The following ANO10 variants were observed in gnomAD, a reference collection of about 807,000 sequenced individuals.
ANO10 encodes the protein anoctamin-10.
Under a neutral mutation model 74.7 loss-of-function variants are expected in ANO10, and 77 were observed. The ratio of observed to expected loss-of-function variants is 1.03; its 90% confidence interval spans 0.86 to 1.25. ANO10 has a LOEUF of 1.25. Ranked by LOEUF, ANO10 falls within the 50% of genes most tolerant of loss-of-function variation. The pLI is 0.00. For synonymous variants in ANO10, 279 were observed against 284.9 expected (o/e 0.98, Z 0.21); for missense variants, 721 against 778.1 (o/e 0.93, Z 0.87).
chr3:43,600,304 T>G lies in ANO10; in HGVS notation c.337+80A>C, dbSNP rs372441339. 73 of 1,533,658 alleles carry G rather than the reference T, an allele frequency of 4.8e-5. No individual in the cohort carries two copies. The African/African-American group carries it at 7.8e-4, about 16-fold the overall frequency. ...CTATTTGACCCTTTACTGAAAAAAGTTTGCTGATCCCTGATCTATTCATCA... is the reference window on the plus strand; with the variant it reads ...CTATTTGACCCTTTACTGAAAAAAGGTTGCTGATCCCTGATCTATTCATCA... On this transcript the variant is annotated intron_variant, in intron 3 of 12. Coordinates refer to ENST00000292246, the MANE Select transcript of ANO10 (RefSeq NM_018075.5).
intron 4 of ANO10, among the ~76,000 whole-genome samples, chr3:43,592,494 A>G (rs1490442199): frequency 6.6e-6 from 1 of 152,228 alleles, no homozygotes; most frequent in Non-Finnish European, 1.5e-5. Context: ...CAGGGTCTGG[A>G]GTGGACCTCC....
intron 12 of ANO10, among the ~76,000 whole-genome samples, chr3:43,415,545 C>CTTTTTTTTT (rs538224235): frequency 5.4e-5 from 8 of 147,342 alleles, no homozygotes; most frequent in African/African-American, 1.8e-4. Context: ...TTCTTTCTTT[C>CTTTTTTTTT]TTTTTTTTTT....
At chr3:43,547,647 G>C (rs577368598) in intron 11 of ANO10, among the ~76,000 whole-genome samples, 10 of 152,196 alleles carry the variant, frequency 6.6e-5, no homozygotes, top group Non-Finnish European at 1.2e-4. Flanking sequence ...AGTATCCCTA[G>C]AATGTGCAGA....
At chr3:43,593,446 G>A (rs1202735457) in intron 4 of ANO10, among the ~76,000 whole-genome samples, 3 of 152,176 alleles carry the variant, frequency 2.0e-5, no homozygotes, top group East Asian at 1.9e-4. Flanking sequence ...GAGAGTGGGG[G>A]CCAATATTCA....
chr3:43,372,655 G>T, intron 12 of ANO10: 1 of 542,080 alleles, frequency 1.8e-6, no homozygotes, highest in Non-Finnish European at 3.4e-6. Context: ...TTCAATTGCT[G>T]CACTCCTCGC....
intron 11 of ANO10, among the ~76,000 whole-genome samples, chr3:43,525,350 T>C (rs560402643): frequency 6.6e-6 from 1 of 152,286 alleles, no homozygotes; most frequent in South Asian, 2.1e-4. Context: ...TACTTCTCCT[T>C]AAAAACACCT....
In ANO10 at chr3:43,636,904, C is replaced by T. The variant is rs375836110; in HGVS notation, c.-11-31041G>A. On this transcript the variant is annotated intron_variant, in intron 1 of 3. Coordinates refer to the ANO10 transcript ENST00000413397. The stretch of plus-strand genomic sequence containing the variant: ...TTTAGCCTGGTGCAGTGGCTCAGGC[C>T]TATAATCCCAGCACTTTGGGAGGCC... Among the ~76,000 whole-genome samples the T allele has an allele frequency of 5.4e-4, 82 of 152,352 alleles. 1 individual carries two copies. The highest frequency in any genetic ancestry group is 1.9e-3 in the African/African-American group (79 of 41,578).
intron 11 of ANO10, among the ~76,000 whole-genome samples, chr3:43,459,723 T>G (rs1383250738): frequency 1.3e-5 from 2 of 152,184 alleles, no homozygotes; most frequent in African/African-American, 4.8e-5. Flanking sequence ...AAGTGCTTTT[T>G]GGGCCTCAGA....
chr3:43,545,146 T>C (rs984613054), intron 11 of ANO10, among the ~76,000 whole-genome samples: 10 of 152,294 alleles, frequency 6.6e-5, no homozygotes, highest in African/African-American at 1.7e-4. Flanking sequence ...TCTGCTCTTA[T>C]AGGGGCCATG....
intron 1 of ANO10, among the ~76,000 whole-genome samples, chr3:43,640,082 T>C (rs2083656484): frequency 6.6e-6 from 1 of 152,158 alleles, no homozygotes; most frequent in African/African-American, 2.4e-5. Flanking sequence ...GGACAATCAT[T>C]CCAAAATGAA....
rs148873732 is a variant in ANO10, at chr3:43,580,379, C to T, written c.566G>A (p.Arg189Gln). The T allele has an allele frequency of 1.0e-4, 168 of 1,613,960 alleles. No homozygotes were observed. In the African/African-American group the frequency reaches 1.7e-3, roughly 16 times the overall value. The change falls in exon 5 of 13, where the codon CGG (arginine) becomes CAG (glutamine). Residue 189 changes from arginine to glutamine, a missense_variant. Transcript: ENST00000292246. ...TATGGGCTGATACTTCAAAGCAAAC[C>T]GAGTGTACCAGGTGTCCTCAAGCTT... ...LKKLEDTWYT[R>Q]FALKYQPIDS... is the part of the protein sequence containing the mutation.
intron 8 of ANO10, 103 bp downstream of exon 8, chr3:43,565,549 AG>A: frequency 1.0e-6 from 1 of 961,934 alleles, no homozygotes. Flanking sequence ...AAAATTTAAA[AG>A]ATTTTATTTG....
At chr3:43,448,934 C>T (rs369769679) in intron 11 of ANO10, among the ~76,000 whole-genome samples, 1 of 146,830 alleles carries the variant, frequency 6.8e-6, no homozygotes, top group African/African-American at 2.5e-5. Context: ...CGCAGTGGTG[C>T]GATCTCGGCT....
At chr3:43,688,603 G>A (rs919029082) in intron 1 of ANO10, among the ~76,000 whole-genome samples, 6 of 152,172 alleles carry the variant, frequency 3.9e-5, no homozygotes, top group African/African-American at 9.7e-5. Flanking sequence ...AGCACTTTGG[G>A]AGGCAGTGGA....
intron 4 of ANO10, among the ~76,000 whole-genome samples, chr3:43,591,509 C>T (rs181300982): frequency 8.7e-4 from 132 of 152,328 alleles, no homozygotes; most frequent in African/African-American, 2.9e-3. Flanking sequence ...CTTGCCCCCA[C>T]CTTGGGAGCA....
At chr3:43,685,662 C>T (rs562278675) in intron 1 of ANO10, among the ~76,000 whole-genome samples, 1 of 152,194 alleles carries the variant, frequency 6.6e-6, no homozygotes, top group South Asian at 2.1e-4. Flanking sequence ...TAGGGACATT[C>T]CCCACTGATT....
chr3:43,654,486 T>C (rs1276705663), intron 1 of ANO10, among the ~76,000 whole-genome samples: 1 of 152,164 alleles, frequency 6.6e-6, no homozygotes, highest in African/African-American at 2.4e-5. Flanking sequence ...AATGTTGCAG[T>C]GGAGGTCCCC....
intron 11 of ANO10, among the ~76,000 whole-genome samples, chr3:43,468,588 ATGTTTCACC>A (rs1056989260): frequency 4.6e-5 from 7 of 152,180 alleles, no homozygotes; most frequent in African/African-American, 1.7e-4. Flanking sequence ...ACAGCACCCA[ATGTTTCACC>A]TGTTTTCATG....
intron 11 of ANO10, among the ~76,000 whole-genome samples, chr3:43,473,319 G>A (rs996728125): frequency 3.3e-5 from 5 of 152,038 alleles, no homozygotes; most frequent in Non-Finnish European, 7.4e-5. Flanking sequence ...CATGCCCAGC[G>A]CCGTCTACAC....
Sources: gnomAD v4.1 joint callset for allele counts (sites outside exome capture counted in the v4.1 genomes callset) on GRCh38, gnomAD v4.1.1 for gene constraint, MANE v1.5 for transcripts, NCBI Gene and HGNC (gene_info 2026-07-23, HGNC 2026-07-21) for gene names.